AZIN2: variants seen among roughly 807,000 people sequenced by gnomAD.
The protein encoded by AZIN2 is antizyme inhibitor 2.
A neutral mutation model predicts 47.8 loss-of-function variants in AZIN2; 28 were observed. That is an observed-to-expected ratio of 0.59 (90% CI 0.43 to 0.80). The LOEUF (loss-of-function observed/expected upper bound fraction) is 0.80, where lower values mean the gene tolerates loss of function less well. AZIN2 is among the 30% of genes least tolerant of loss of function. The pLI is 0.00. For missense variants in AZIN2, 535 were observed against 582.5 expected, an observed-to-expected ratio of 0.92 and a Z score of 0.84; for synonymous variants, 221 against 239.4, an observed-to-expected ratio of 0.92 and a Z score of 0.71.
At chr1:33,114,355 C>CT (rs59452990) in intron 10 of AZIN2, among the ~76,000 whole-genome samples, 1,893 of 115,944 alleles carry the variant, frequency 0.016, 49 homozygotes, top group African/African-American at 0.052. Context: ...TTTTTCTTTT[C>CT]TTTTTTTTTT....
the AZIN2 span, among the ~76,000 whole-genome samples, chr1:33,155,433 C>T: frequency 1.3e-5 from 2 of 152,114 alleles, no homozygotes; most frequent in African/African-American, 4.8e-5. Context: ...AGAATGAATC[C>T]AGCCAGATGG....
the AZIN2 span, among the ~76,000 whole-genome samples, chr1:33,154,508 T>G: frequency 1.4e-3 from 206 of 151,920 alleles, 1 homozygote; most frequent in African/African-American, 4.8e-3. Flanking sequence ...ATTAAATTTG[T>G]TTTTTTTGAG....
chr1:33,160,964 G>C, the AZIN2 span, among the ~76,000 whole-genome samples: 1 of 152,232 alleles, frequency 6.6e-6, no homozygotes, highest in African/African-American at 2.4e-5. Context: ...CAGGAAGGGT[G>C]AAGTAGTGAA....
chr1:33,114,381 T>G (rs1176537368), intron 10 of AZIN2, among the ~76,000 whole-genome samples: 10 of 137,442 alleles, frequency 7.3e-5, no homozygotes, highest in African/African-American at 2.8e-4. Flanking sequence ...TGAGATGGAG[T>G]CCCGCTCTGT....
chr1:33,089,972 T>C (rs1025530299), intron 5 of AZIN2, among the ~76,000 whole-genome samples: 1 of 152,206 alleles, frequency 6.6e-6, no homozygotes, highest in African/African-American at 2.4e-5. Flanking sequence ...TGCGTAGCCC[T>C]TCTGAGCATC....
the AZIN2 span, among the ~76,000 whole-genome samples, chr1:33,137,822 C>T: frequency 6.6e-6 from 1 of 152,184 alleles, no homozygotes; most frequent in Admixed American, 6.5e-5. Context: ...GGTACAAGGG[C>T]AAGAGGCACT....
At chr1:33,154,567 A>G in the AZIN2 span, among the ~76,000 whole-genome samples, 4 of 152,080 alleles carry the variant, frequency 2.6e-5, no homozygotes, top group African/African-American at 7.2e-5. Context: ...TGGGAGGCCA[A>G]GGTGGGCGGA....
At position 33,083,754 on chromosome 1, in the gene AZIN2, G is replaced by C. The variant is rs150132309; in HGVS notation, c.106-200G>C. 3.1e-3 allele frequency: 1,922 copies of C among 615,152 alleles called. 22 individuals are homozygous for C. The African/African-American group carries it at 0.032, about 10-fold the overall frequency. 38.1% of individuals were successfully genotyped at this position (615,152 alleles called of 1,614,324 possible). A position where few individuals can be genotyped will look rare whatever the true frequency, so the allele number is the denominator to read the frequency against. ...TTAGCCGCATTGAGGGGAGGGATTG[G>C]GGCTAGATCAGAGCCTTGAATGCCA... On this transcript the variant is annotated intron_variant, in intron 4 of 11. Coordinates refer to ENST00000294517, the MANE Select transcript of AZIN2 (RefSeq NM_052998.4).
At chr1:33,103,471 C>T (rs1207820634) in intron 10 of AZIN2, among the ~76,000 whole-genome samples, 1 of 152,196 alleles carries the variant, frequency 6.6e-6, no homozygotes, top group Non-Finnish European at 1.5e-5. Context: ...TCTTATGTCT[C>T]AGCTCAGATG....
intron 4 of AZIN2, 60 bp from the exon 5 acceptor site, chr1:33,083,894 T>C (rs1469798593): frequency 3.8e-6 from 6 of 1,594,942 alleles, no homozygotes; most frequent in Non-Finnish European, 5.1e-6. Context: ...GGATCACGGA[T>C]GGCATGCACA....
intron 5 of AZIN2, among the ~76,000 whole-genome samples, chr1:33,085,305 G>A (rs1188263839): frequency 6.6e-6 from 1 of 152,092 alleles, no homozygotes; most frequent in East Asian, 1.9e-4. Flanking sequence ...GAGAAAGCAG[G>A]AAAGGGAAGT....
the AZIN2 span, among the ~76,000 whole-genome samples, chr1:33,159,428 G>A: frequency 2.0e-5 from 3 of 152,164 alleles, no homozygotes; most frequent in Non-Finnish European, 4.4e-5. The surrounding 1 kb of genome is among the most constrained non-coding windows in gnomAD (Gnocchi z 4.2). Context: ...AGCCAAGACA[G>A]CAGGGTCAAA....
At chr1:33,083,087 A>G (rs947159043) in intron 4 of AZIN2, 5 of 152,330 alleles carry the variant, frequency 3.3e-5, no homozygotes, top group African/African-American at 9.7e-5. Context: ...TTCTTTCTCC[A>G]TGCCCCTGCA....
chr1:33,164,035 TCATA>T, the AZIN2 span: 2 of 152,212 alleles, frequency 1.3e-5, no homozygotes, highest in African/African-American at 4.8e-5. Flanking sequence ...TACTCCGCTC[TCATA>T]CAGAGAGAGG....
intron 10 of AZIN2, among the ~76,000 whole-genome samples, chr1:33,098,719 A>G (rs1424998799): frequency 6.6e-6 from 1 of 152,146 alleles, no homozygotes; most frequent in Non-Finnish European, 1.5e-5. Context: ...AAAGAAAACC[A>G]GACATCATTT....
chr1:33,092,333 G>T (rs1010266709), intron 6 of AZIN2, 111 bp downstream of exon 6: 1 of 775,106 alleles, frequency 1.3e-6, no homozygotes, highest in Non-Finnish European at 1.8e-6. Context: ...GGGAAGGCTG[G>T]GCTTCAGAGT....
At chr1:33,082,092 G>A (rs531574466) in intron 3 of AZIN2, 86 bp from the exon 4 acceptor site, 28 of 656,138 alleles carry the variant, frequency 4.3e-5, no homozygotes, top group Admixed American at 3.3e-4. Context: ...GGGTTGTGAC[G>A]GGATTGGGAT....
the AZIN2 span, among the ~76,000 whole-genome samples, chr1:33,138,208 G>T: frequency 6.6e-6 from 1 of 152,126 alleles, no homozygotes; most frequent in African/African-American, 2.4e-5. Context: ...TCAGAATGGG[G>T]GTTAGGAAAA....
chr1:33,082,298 T>C lies in AZIN2; in HGVS notation c.49T>C (p.Phe17Leu). 6.2e-7 allele frequency: 1 copy of C among 1,614,078 alleles called. No individual in the cohort carries two copies. Among genetic ancestry groups the C allele is most frequent in the Non-Finnish European group, 8.5e-7 (1 of 1,180,000 alleles). ...ESDFVMVEEG[F>L]STRDLLKELT... ...GGACTTTGTGATGGTGGAGGAGGGCTTCAGTACCCGAGACCTGCTGAAGGA... is the reference window on the plus strand; with the variant it reads ...GGACTTTGTGATGGTGGAGGAGGGCCTCAGTACCCGAGACCTGCTGAAGGA... The change falls in exon 4 of 12, where the codon TTC becomes CTC. Residue 17 changes from phenylalanine (F) to leucine (L), a missense_variant. By Grantham distance (22) the Phe-to-Leu change is conservative. Coordinates refer to ENST00000294517, the MANE Select transcript of AZIN2 (RefSeq NM_052998.4).
Sources: gnomAD v4.1 joint callset for allele counts (sites outside exome capture counted in the v4.1 genomes callset) on GRCh38, gnomAD v4.1.1 for gene constraint, Gnocchi (gnomAD v3.1) non-coding constraint, MANE v1.5 for transcripts, NCBI Gene and HGNC (gene_info 2026-07-23, HGNC 2026-07-21) for gene names.